ATP2C1: variants seen among roughly 807,000 people sequenced by gnomAD.
ATP2C1 encodes the protein ATPase secretory pathway Ca2+ transporting 1.
In ATP2C1, 31 loss-of-function variants were observed where a neutral mutation model predicts 120.5. The ratio of observed to expected loss-of-function variants is 0.26; its 90% CI spans 0.19 to 0.35. ATP2C1 has a LOEUF of 0.35. Ranked by LOEUF, ATP2C1 falls within the 10% of genes least tolerant of loss-of-function variation. The pLI is 1.00. For synonymous variants in ATP2C1, 351 were observed against 358.7 expected, an observed-to-expected ratio of 0.98 and a Z score of 0.24; for missense variants, 731 against 1,107.5, an observed-to-expected ratio of 0.66 and a Z score of 4.83.
intron 2 of ATP2C1, among the ~76,000 whole-genome samples, chr3:130,913,539 T>G (rs910522844): frequency 2.0e-5 from 3 of 152,244 alleles, no homozygotes; most frequent in African/African-American, 7.2e-5. Context: ...AGCCTTACTG[T>G]ACTTAAGACA....
intron 11 of ATP2C1, among the ~76,000 whole-genome samples, 185 bp from the exon 12 acceptor site, chr3:130,959,090 C>T (rs1053196879): frequency 5.9e-5 from 9 of 152,100 alleles, no homozygotes; most frequent in Non-Finnish European, 1.3e-4. Flanking sequence ...GTATGCACAG[C>T]ATTCACATTA....
chr3:130,955,779 G>A (rs1276186067), intron 10 of ATP2C1: 1 of 253,798 alleles, frequency 3.9e-6, no homozygotes, highest in Non-Finnish European at 7.7e-6. Context: ...GCAAGTGAGA[G>A]AGCAGCTGAT....
At position 130,894,353 on chromosome 3, in the gene ATP2C1, A is replaced by G. The variant is rs560526260; in HGVS notation, c.-181+16A>G. On this transcript the variant is annotated intron_variant, in intron 1 of 27. Transcript: ENST00000510168. The surrounding 1 kb of genome is among the most constrained non-coding windows in gnomAD (Gnocchi z 4.5). ...GGGGCTTTGGGTGGGTACCAGTATT[A>G]CCTCCTGCCCCCATTTCTAGAAACT... 20 of 1,063,370 alleles carry G rather than the reference A, an allele frequency of 1.9e-5. No homozygotes were observed. In the South Asian group the frequency reaches 5.3e-4, roughly 28 times the overall value. 65.9% of individuals were successfully genotyped at this position (1,063,370 alleles called of 1,614,324 possible). A position where few individuals can be genotyped will look rare whatever the true frequency, so the allele number is the denominator to read the frequency against.
At position 130,941,266 on chromosome 3, in the gene ATP2C1, CTGTG is replaced by C. The variant is rs1262857877; in HGVS notation, c.423-318_423-315del. ...TGTGTGTGTGTGTGTGTGTGTGTGTCTGTGTGTGTGCGCGCACGCGCGCATGCAT... is the reference window on the plus strand; with the variant it reads ...TGTGTGTGTGTGTGTGTGTGTGTGTCTGTGTGCGCGCACGCGCGCATGCAT... On this transcript the variant is annotated intron_variant, in intron 7 of 27. Coordinates refer to ENST00000510168, the MANE Select transcript of ATP2C1 (RefSeq NM_001378687.1). Among the ~76,000 whole-genome samples the C allele has an allele frequency of 1.6e-4, 13 of 79,892 alleles. 1 individual carries two copies. In the East Asian group the frequency reaches 1.7e-3, roughly 10 times the overall value. The allele number at this position is 79,892 out of a possible 152,430, so 52.4% of individuals were successfully genotyped here.
chr3:130,969,333 T>G lies in ATP2C1; in HGVS notation c.1350T>G (p.Ala450=), dbSNP rs1418700391. 3 of 1,613,972 alleles carry G rather than the reference T, an allele frequency of 1.9e-6. No homozygotes were observed. In the Admixed American group the frequency reaches 5.0e-5, roughly 27 times the overall value. ...DGLQQDYIRK[A]EYPFSSEQKW... is the part of the protein sequence containing the mutation. ...TTCAACAAGACTACATCAGAAAAGC[T>G]GAATACCCTTTTAGCTCTGAGCAAA... The change falls in exon 17 of 28, where the codon GCT becomes GCG. Residue 450 remains alanine (A), a synonymous_variant. Transcript: ENST00000510168.
At chr3:130,914,044 C>T (rs559227335) in intron 2 of ATP2C1, among the ~76,000 whole-genome samples, 2 of 152,068 alleles carry the variant, frequency 1.3e-5, no homozygotes, top group South Asian at 2.1e-4. Flanking sequence ...AACGGGCAAA[C>T]CTGCTCTTTC....
chr3:130,858,803 T>G (rs756915114), intron 1 of ATP2C1, among the ~76,000 whole-genome samples: 19 of 152,218 alleles, frequency 1.2e-4, no homozygotes, highest in Admixed American at 2.0e-4. Flanking sequence ...AGGGCTGTAG[T>G]ACCAGAATGG....
At chr3:130,950,194 CTG>C (rs1176562931) in intron 8 of ATP2C1, among the ~76,000 whole-genome samples, 2 of 152,048 alleles carry the variant, frequency 1.3e-5, no homozygotes, top group African/African-American at 4.8e-5. Flanking sequence ...AATATTTAGA[CTG>C]TGGATTATAT....
In ATP2C1 at chr3:130,975,371, C is replaced by G. The variant is rs1559998903; in HGVS notation, c.1453C>G (p.Gln485Glu). Residue 485 changes from glutamine (Q) to glutamate (E), a missense_variant, in exon 18 of 28, where the codon CAA becomes GAA. Gln to Glu is a conservative substitution (Grantham distance 29). This residue lies in a region of ATP2C1 where 571 missense variants were observed against 845.9 expected (regional missense o/e 0.67). Coordinates refer to ENST00000510168, the MANE Select transcript of ATP2C1 (RefSeq NM_001378687.1). Reference sequence around the variant, plus strand: ...TTGTTTTATGAAAGGTGCTTACGAACAAGTAATTAAGTACTGTACTACATA... The same window carrying G: ...TTGTTTTATGAAAGGTGCTTACGAAGAAGTAATTAAGTACTGTACTACATA... ...EICFMKGAYE[Q>E]VIKYCTTYQS... 6.2e-7 allele frequency: 1 copy of G among 1,613,804 alleles called. No individual in the cohort carries two copies. The highest frequency in any genetic ancestry group is 2.2e-5 in the East Asian group (1 of 44,870).
At chr3:130,964,221 T>A in intron 13 of ATP2C1, 126 bp downstream of exon 13, 1 of 1,397,384 alleles carries the variant, frequency 7.2e-7, no homozygotes, top group South Asian at 1.2e-5. Context: ...ATGGCAAAAT[T>A]GGATATGGTT....
chr3:130,895,692 T>G (rs2069562136), intron 2 of ATP2C1, among the ~76,000 whole-genome samples: 1 of 152,216 alleles, frequency 6.6e-6, no homozygotes, highest in South Asian at 2.1e-4. Context: ...GGAGCTGCAG[T>G]CTTGCTGGCT....
intron 9 of ATP2C1, among the ~76,000 whole-genome samples, chr3:130,954,565 A>T (rs2060497402): frequency 6.6e-6 from 1 of 152,102 alleles, no homozygotes. Flanking sequence ...GGCTCACTAC[A>T]ACCTTCACCT....
intron 2 of ATP2C1, among the ~76,000 whole-genome samples, chr3:130,905,850 G>T (rs751341662): frequency 2.8e-4 from 43 of 152,064 alleles, no homozygotes; most frequent in Non-Finnish European, 5.6e-4. Context: ...GGGCTTGCTT[G>T]CCTGGTTCCT....
chr3:130,959,002 G>A (rs965437266), intron 11 of ATP2C1, among the ~76,000 whole-genome samples: 1 of 152,122 alleles, frequency 6.6e-6, no homozygotes, highest in Admixed American at 6.5e-5. Flanking sequence ...AGGGATGGTA[G>A]GAGCAGTGTC....
At chr3:130,963,591 GA>G in intron 12 of ATP2C1, 1 of 235,560 alleles carries the variant, frequency 4.2e-6, no homozygotes, top group Non-Finnish European at 8.5e-6. Context: ...TGGCTATCGT[GA>G]ATAGTGTTGC....
intron 2 of ATP2C1, among the ~76,000 whole-genome samples, chr3:130,897,472 A>G (rs904093411): frequency 4.6e-5 from 7 of 152,212 alleles, no homozygotes; most frequent in African/African-American, 1.7e-4. Context: ...TTTGACATAC[A>G]GTTAACTTGG....
intron 2 of ATP2C1, among the ~76,000 whole-genome samples, chr3:130,917,272 C>T (rs778510405): frequency 6.6e-6 from 1 of 152,196 alleles, no homozygotes; most frequent in African/African-American, 2.4e-5. Flanking sequence ...TTGTTACTTT[C>T]AACTTATGAT....
chr3:130,850,928 G>A, exon 1 of ATP2C1: 1 of 1,365,346 alleles, frequency 7.3e-7, no homozygotes, highest in Non-Finnish European at 9.5e-7. Context: ...CCGAAGAACA[G>A]GTATCATTTT....
intron 16 of ATP2C1, among the ~76,000 whole-genome samples, chr3:130,968,990 T>C (rs1416894369): frequency 6.6e-6 from 1 of 152,184 alleles, no homozygotes; most frequent in Non-Finnish European, 1.5e-5. Flanking sequence ...TATTTATTTA[T>C]ATCCTGCTTC....
Sources: allele counts gnomAD v4.1 joint callset (sites outside exome capture counted in the v4.1 genomes callset), GRCh38; gene constraint gnomAD v4.1.1; regional missense constraint gnomAD v4.1.1; non-coding constraint Gnocchi (gnomAD v3.1); transcripts MANE v1.5; gene names NCBI Gene and HGNC (gene_info 2026-07-23, HGNC 2026-07-21).